The following JAK1 variants were observed in gnomAD, a reference collection of about 807,000 sequenced individuals.
JAK1 encodes tyrosine-protein kinase JAK1.
In JAK1, 16 loss-of-function variants were observed where a neutral mutation model predicts 136.6. The ratio of observed to expected loss-of-function variants is 0.12; its 90% CI spans 0.08 to 0.18. JAK1 has a LOEUF of 0.18. Among genes scored for constraint, JAK1 ranks in the 10% least tolerant of loss-of-function variants. The pLI is 1.00. For synonymous variants in JAK1, 492 were observed against 519.5 expected (o/e 0.95, Z 0.72); for missense variants, 859 against 1,450.1 (o/e 0.59, Z 6.62).
chr1:64,867,705 G>C (rs188713776), intron 6 of JAK1, among the ~76,000 whole-genome samples: 2 of 152,288 alleles, frequency 1.3e-5, no homozygotes, highest in African/African-American at 4.8e-5. Context: ...AAATGAGAAA[G>C]AAAGGCTGGG....
At chr1:64,902,226 G>T (rs995763144) in intron 1 of JAK1, among the ~76,000 whole-genome samples, 1 of 152,076 alleles carries the variant, frequency 6.6e-6, no homozygotes, top group African/African-American at 2.4e-5. Context: ...AACAAAACCA[G>T]AACTGATGTG....
At chr1:64,924,076 T>A (rs1294095499) in intron 1 of JAK1, among the ~76,000 whole-genome samples, 1 of 152,162 alleles carries the variant, frequency 6.6e-6, no homozygotes, top group Non-Finnish European at 1.5e-5. Flanking sequence ...CTGAATGCAA[T>A]AACTATAAAT....
chr1:65,053,935 G>A (rs914523170), intron 1 of JAK1, among the ~76,000 whole-genome samples: 7 of 152,188 alleles, frequency 4.6e-5, no homozygotes, highest in Non-Finnish European at 1.0e-4. Flanking sequence ...TAGCGTGGCA[G>A]GCAAGAACAA....
rs531235447 is a variant in JAK1, at chr1:64,898,859, T to C, written c.-77-12518A>G. 1.2e-4 allele frequency among the ~76,000 whole-genome samples: 19 copies of C among 152,286 alleles called. No individual in the cohort carries two copies. The East Asian group carries it at 3.3e-3, about 26-fold the overall frequency. On this transcript the variant is annotated intron_variant, in intron 1 of 24. Transcript: ENST00000342505. ...GTTCAGTGCATTTCAGCTGTATATA[T>C]AGCTAATAATTAGCAGCAGAAATGT...
At chr1:65,016,756 T>A (rs952172665) in intron 2 of JAK1, among the ~76,000 whole-genome samples, 2 of 151,540 alleles carry the variant, frequency 1.3e-5, no homozygotes, top group African/African-American at 4.9e-5. Flanking sequence ...AAATTAGCCG[T>A]GCATGGTGGC....
At chr1:64,989,162 T>C (rs904290557) in intron 2 of JAK1, among the ~76,000 whole-genome samples, 1 of 149,090 alleles carries the variant, frequency 6.7e-6, no homozygotes, top group African/African-American at 2.4e-5. Flanking sequence ...CCATCTCTAC[T>C]AAAAATACAA....
At chr1:65,010,378 C>T (rs536977665) in intron 2 of JAK1, among the ~76,000 whole-genome samples, 106 of 152,214 alleles carry the variant, frequency 7.0e-4, no homozygotes, top group African/African-American at 2.5e-3. Context: ...TGAGGGAAAC[C>T]GGCTGCCACA....
intron 1 of JAK1, among the ~76,000 whole-genome samples, chr1:64,953,060 G>T (rs188276499): frequency 2.6e-5 from 4 of 152,314 alleles, no homozygotes; most frequent in Admixed American, 1.3e-4. Flanking sequence ...TGTTTCTGTA[G>T]TGGGAAGCCA....
At chr1:65,055,621 C>A (rs1393128863) in intron 1 of JAK1, among the ~76,000 whole-genome samples, 1 of 152,184 alleles carries the variant, frequency 6.6e-6, no homozygotes, top group Non-Finnish European at 1.5e-5. Context: ...CAACCAAACA[C>A]ACACTGTGTT....
chr1:65,017,595 T>C (rs1347240620), intron 2 of JAK1, among the ~76,000 whole-genome samples: 3 of 152,168 alleles, frequency 2.0e-5, no homozygotes, highest in Admixed American at 2.0e-4. Flanking sequence ...CCACACAGAA[T>C]ATTTCAAAAA....
At chr1:64,971,628 G>A (rs577694916) in intron 2 of JAK1, among the ~76,000 whole-genome samples, 3 of 151,378 alleles carry the variant, frequency 2.0e-5, no homozygotes, top group Non-Finnish European at 2.9e-5. Flanking sequence ...GCGTGATCTC[G>A]GCTCACTGCA....
intron 1 of JAK1, among the ~76,000 whole-genome samples, chr1:64,935,121 A>C (rs1048669283): frequency 6.6e-6 from 1 of 152,208 alleles, no homozygotes; most frequent in African/African-American, 2.4e-5. Flanking sequence ...CAGATGCATC[A>C]GACATCCTTG....
At chr1:64,987,780 T>A (rs1646613810) in intron 2 of JAK1, 1 of 152,210 alleles carries the variant, frequency 6.6e-6, no homozygotes, top group Admixed American at 6.5e-5. Flanking sequence ...GTGTTCACTG[T>A]AAACAATGAT....
upstream of JAK1, among the ~76,000 whole-genome samples, chr1:64,970,142 A>AAAAAAC (rs1646437466): frequency 6.7e-6 from 1 of 148,524 alleles, no homozygotes; most frequent in Non-Finnish European, 1.5e-5. Flanking sequence ...CTCAAAAAAA[A>AAAAAAC]AAAAAAAAAA....
At chr1:65,019,121 G>C (rs1349642998) in intron 2 of JAK1, among the ~76,000 whole-genome samples, 1 of 152,080 alleles carries the variant, frequency 6.6e-6, no homozygotes, top group Non-Finnish European at 1.5e-5. Context: ...GAAAATTCCA[G>C]GACCAGAAGC....
chr1:65,032,251 C>G (rs1250398908), intron 2 of JAK1, among the ~76,000 whole-genome samples: 2 of 152,172 alleles, frequency 1.3e-5, no homozygotes, highest in African/African-American at 4.8e-5. Context: ...CAGGCGTGAG[C>G]CACCACGCCC....
chr1:65,058,626 G>A, intron 1 of JAK1: 1 of 427,394 alleles, frequency 2.3e-6, no homozygotes, highest in Admixed American at 3.4e-5. Context: ...GACGTGAGGA[G>A]GCAGAAGAAA....
At chr1:64,894,248 C>G (rs543870362) in intron 1 of JAK1, among the ~76,000 whole-genome samples, 4 of 152,286 alleles carry the variant, frequency 2.6e-5, no homozygotes, top group African/African-American at 9.6e-5. Context: ...CCTCCAGATT[C>G]AAAGTCCTGA....
intron 1 of JAK1, among the ~76,000 whole-genome samples, chr1:65,061,347 A>G (rs1647783507): frequency 6.6e-6 from 1 of 152,154 alleles, no homozygotes; most frequent in African/African-American, 2.4e-5. Context: ...GGCTGCCATG[A>G]CTGCACCACT....
Sources: gnomAD v4.1 joint callset for allele counts (sites outside exome capture counted in the v4.1 genomes callset) on GRCh38, gnomAD v4.1.1 for gene constraint, MANE v1.5 for transcripts, NCBI Gene and HGNC (gene_info 2026-07-23, HGNC 2026-07-21) for gene names.